Variants in RBFOX1 observed in about 807,000 individuals in gnomAD.
RBFOX1 encodes the protein RNA binding protein fox-1 homolog 1.
Under a neutral mutation model 57.7 loss-of-function variants are expected in RBFOX1, and 8 were observed. That is an observed-to-expected ratio of 0.14 (90% CI 0.08 to 0.25). The LOEUF is 0.25. RBFOX1 is among the 10% of genes least tolerant of loss of function. The probability of loss-of-function intolerance (pLI) is 1.00; values close to 1 mark genes in which losing one functional copy is unlikely to be tolerated. For missense variants in RBFOX1, 611 were observed against 548.5 expected (o/e 1.11, Z -1.14); for synonymous variants, 326 against 222.4 (o/e 1.47, Z -4.15).
intron 3 of RBFOX1, among the ~76,000 whole-genome samples, chr16:7,024,838 G>C (rs745316501): frequency 6.6e-6 from 1 of 152,162 alleles, no homozygotes; most frequent in East Asian, 1.9e-4. Flanking sequence ...GTTCTCACAC[G>C]GGGCTGGGTG....
intron 4 of RBFOX1, among the ~76,000 whole-genome samples, chr16:7,378,004 AG>A (rs2097716003): frequency 6.6e-6 from 1 of 152,158 alleles, no homozygotes; most frequent in South Asian, 2.1e-4. Context: ...GAATGTGCAA[AG>A]TCTCTAAAGT....
chr16:6,110,173 T>C (rs528914824), intron 1 of RBFOX1, among the ~76,000 whole-genome samples: 1 of 149,928 alleles, frequency 6.7e-6, no homozygotes, highest in South Asian at 2.1e-4. Context: ...CTCTAATTTT[T>C]GGTTTTCTGT....
At chr16:7,448,141 A>G (rs940793981) in intron 4 of RBFOX1, among the ~76,000 whole-genome samples, 6 of 152,252 alleles carry the variant, frequency 3.9e-5, no homozygotes, top group Non-Finnish European at 8.8e-5. Context: ...TGCCAAGTGT[A>G]TTAATTTCCT....
intron 2 of RBFOX1, among the ~76,000 whole-genome samples, chr16:6,498,522 C>T (rs1020589717): frequency 1.3e-5 from 2 of 152,084 alleles, no homozygotes; most frequent in Non-Finnish European, 2.9e-5. Context: ...CCCTTTTAGA[C>T]CCATAGATTT....
chr16:6,764,632 T>C (rs908755478), intron 3 of RBFOX1, among the ~76,000 whole-genome samples: 4 of 152,168 alleles, frequency 2.6e-5, no homozygotes, highest in African/African-American at 9.7e-5. Flanking sequence ...TTAGAGATGA[T>C]AATTATTAAG....
intron 3 of RBFOX1, among the ~76,000 whole-genome samples, chr16:6,868,393 C>A (rs57831295): frequency 6.6e-6 from 1 of 152,042 alleles, no homozygotes; most frequent in African/African-American, 2.4e-5. Context: ...TGTAAGTTTT[C>A]TTTTGGGTTA....
chr16:5,249,070 A>G (rs542934961), intron 1 of RBFOX1, among the ~76,000 whole-genome samples: 1 of 151,898 alleles, frequency 6.6e-6, no homozygotes, highest in East Asian at 1.9e-4. Flanking sequence ...AGGACCTTAA[A>G]GGCACGGAAG....
In RBFOX1 at chr16:5,291,226, AGT is replaced by A. The variant is rs141621442; in HGVS notation, c.219+51127_219+51128del. On this transcript the variant is annotated intron_variant, in intron 1 of 2. Coordinates refer to the RBFOX1 transcript ENST00000585867. ...GGCTGATGTAGGGATGGACTGAGAT[AGT>A]GTGTGCTCAGTAAAGGTGACCTTTT... Among the ~76,000 whole-genome samples the A allele has an allele frequency of 6.3e-3, 940 of 148,468 alleles. 9 individuals carry two copies. The highest frequency in any genetic ancestry group is 0.022 in the African/African-American group (898 of 40,300).
chr16:5,556,995 C>A lies in RBFOX1; in HGVS notation c.259-41907C>A, dbSNP rs577082518. ...TTCTCTGGGACTGAACTTGGTGGCT[C>A]ATGCCTGTAATCCCAGCACTTTGGG... On this transcript the variant is annotated intron_variant, in intron 2 of 2. Transcript: ENST00000585867. 8.5e-5 allele frequency among the ~76,000 whole-genome samples: 13 copies of A among 152,288 alleles called. No homozygotes were observed. The East Asian group carries it at 2.3e-3, about 27-fold the overall frequency.
rs532246253 is a variant in RBFOX1, at chr16:6,855,803, C to T, written c.-15-196254C>T. On this transcript the variant is annotated intron_variant, in intron 3 of 15. Transcript: ENST00000550418. ...TTAGAGGATTTGAGTGATAAATTTC[C>T]TTCTTCCCTTCCTTCCTCCTTCCCT... Among the ~76,000 whole-genome samples the T allele has an allele frequency of 2.3e-3, 356 of 151,750 alleles. 4 individuals carry two copies. The highest frequency in any genetic ancestry group is 8.1e-3 in the African/African-American group (336 of 41,372).
Position 5,892,776 on chromosome 16 carries a change from G to A in RBFOX1, c.351+25441G>A, listed in dbSNP as rs1170176233. 2.0e-5 allele frequency among the ~76,000 whole-genome samples: 3 copies of A among 152,164 alleles called. No individual in the cohort carries two copies. In the East Asian group the frequency reaches 5.8e-4, roughly 29 times the overall value. Reference sequence around the variant, plus strand: ...TGGTGCTTTATTTTAGGAACAGCATGTGCAAAGGCCAAGTAGTAAGAGAGC... The same window carrying A: ...TGGTGCTTTATTTTAGGAACAGCATATGCAAAGGCCAAGTAGTAAGAGAGC... On this transcript the variant is annotated intron_variant, in intron 4 of 19. Coordinates refer to the RBFOX1 transcript ENST00000641259.
intron 3 of RBFOX1, among the ~76,000 whole-genome samples, chr16:6,890,088 A>C (rs2065055650): frequency 6.6e-6 from 1 of 152,248 alleles, no homozygotes; most frequent in African/African-American, 2.4e-5. Context: ...AAATGTGTTT[A>C]GCACAAAGAG....
intron 4 of RBFOX1, among the ~76,000 whole-genome samples, chr16:7,190,784 C>T (rs1023320944): frequency 6.6e-6 from 1 of 152,176 alleles, no homozygotes; most frequent in East Asian, 1.9e-4. Flanking sequence ...TGGCATTGCT[C>T]ATATTCGCCA....
intron 3 of RBFOX1, among the ~76,000 whole-genome samples, chr16:5,629,393 A>T (rs2048437013): frequency 6.6e-6 from 1 of 152,218 alleles, no homozygotes; most frequent in Non-Finnish European, 1.5e-5. Flanking sequence ...GTCAACCAGG[A>T]CTGCCAGTGG....
chr16:7,043,396 G>T (rs1023938364), intron 3 of RBFOX1, among the ~76,000 whole-genome samples: 1 of 152,090 alleles, frequency 6.6e-6, no homozygotes, highest in Non-Finnish European at 1.5e-5. Flanking sequence ...CACAGCGCTA[G>T]GCAGTTAGTA....
At chr16:5,912,116 A>G (rs2058615909) in intron 4 of RBFOX1, among the ~76,000 whole-genome samples, 2 of 152,198 alleles carry the variant, frequency 1.3e-5, no homozygotes, top group Admixed American at 1.3e-4. Context: ...GGGATTGGAC[A>G]GACCTGAGCT....
At chr16:6,836,456 T>A (rs528457041) in intron 3 of RBFOX1, among the ~76,000 whole-genome samples, 15 of 152,336 alleles carry the variant, frequency 9.8e-5, no homozygotes, top group African/African-American at 2.9e-4. Flanking sequence ...GGATTCTGCT[T>A]AGCTCTGTGC....
chr16:5,816,938 T>A (rs191722106), intron 3 of RBFOX1, among the ~76,000 whole-genome samples: 315 of 152,340 alleles, frequency 2.1e-3, no homozygotes, highest in Non-Finnish European at 3.6e-3. Flanking sequence ...GGCATGCATA[T>A]CCTCTCTGTG....
intron 1 of RBFOX1, among the ~76,000 whole-genome samples, chr16:6,096,969 C>T (rs889664257): frequency 1.3e-5 from 2 of 152,256 alleles, no homozygotes; most frequent in African/African-American, 2.4e-5. Flanking sequence ...GGCTGTGTCC[C>T]ACCCAAATCT....
Sources: gnomAD v4.1 joint callset for allele counts (sites outside exome capture counted in the v4.1 genomes callset) on GRCh38, gnomAD v4.1.1 for gene constraint, MANE v1.5 for transcripts, NCBI Gene and HGNC (gene_info 2026-07-23, HGNC 2026-07-21) for gene names.